CLPB: variants seen among roughly 807,000 people sequenced by gnomAD.
CLPB encodes the protein mitochondrial disaggregase.
Under a neutral mutation model 78.4 loss-of-function variants are expected in CLPB, and 40 were observed. The ratio of observed to expected loss-of-function variants is 0.51; its 90% CI spans 0.40 to 0.66. The LOEUF (loss-of-function observed/expected upper bound fraction) is 0.66. Among genes scored for constraint, CLPB ranks in the 30% least tolerant of loss-of-function variants. The pLI, the probability that CLPB is intolerant of heterozygous loss-of-function variation, is 0.00. For missense variants in CLPB, 780 were observed against 886.9 expected (o/e 0.88, Z 1.53); for synonymous variants, 333 against 348.0 (o/e 0.96, Z 0.48).
At chr11:72,362,989 C>T (rs552308044) in intron 4 of CLPB, among the ~76,000 whole-genome samples, 1 of 152,148 alleles carries the variant, frequency 6.6e-6, no homozygotes, top group East Asian at 1.9e-4. Context: ...AACACCAACT[C>T]TACAAAAAAT....
chr11:72,429,539 T>C (rs1469171439), intron 2 of CLPB, among the ~76,000 whole-genome samples: 3 of 152,186 alleles, frequency 2.0e-5, no homozygotes, highest in Non-Finnish European at 2.9e-5. Context: ...GGGTGTCCTA[T>C]GGCCACCTAG....
At position 72,299,624 on chromosome 11, in the gene CLPB, G is replaced by A. The variant is rs562665675; in HGVS notation, c.1329+2179C>T. 4.1e-4 allele frequency among the ~76,000 whole-genome samples: 62 copies of A among 152,302 alleles called. 1 individual carries two copies. Among genetic ancestry groups the A allele is most frequent in the African/African-American group, 1.4e-3 (59 of 41,560 alleles). On this transcript the variant is annotated intron_variant, in intron 11 of 15. Coordinates refer to ENST00000538039, the MANE Select transcript of CLPB (RefSeq NM_001258392.3). The stretch of plus-strand genomic sequence containing the variant: ...ACCCTTTGAAGGTTTGCTAACTACT[G>A]TTGAATTAAAACTACTGTTGAATTA...
In CLPB at chr11:72,294,046, A is replaced by G; in HGVS notation, c.1761T>C (p.Tyr587=). ...DVLVDGYNVH[Y]GARSIKHEVE... Reference sequence around the variant, plus strand: ...CCTCATGTTTGATGGAGCGGGCGCCATAGTGCACATTGTAGCCGTCGACCA... The same window carrying G: ...CCTCATGTTTGATGGAGCGGGCGCCGTAGTGCACATTGTAGCCGTCGACCA... The change falls in exon 15 of 16, where the codon TAT becomes TAC. Residue 587 remains tyrosine (Y), a synonymous_variant. Coordinates refer to ENST00000538039, the MANE Select transcript of CLPB (RefSeq NM_001258392.3). The G allele has an allele frequency of 6.2e-7, 1 of 1,613,890 alleles. No homozygotes were observed. Among genetic ancestry groups the G allele is most frequent in the Non-Finnish European group, 8.5e-7 (1 of 1,179,824 alleles).
At chr11:72,305,123 T>C (rs1345987935) in intron 9 of CLPB, among the ~76,000 whole-genome samples, 15 of 152,302 alleles carry the variant, frequency 9.8e-5, no homozygotes. Flanking sequence ...CATCTCCCAA[T>C]GTGAAATGGG....
chr11:72,351,087 G>A (rs1181952344), intron 5 of CLPB, among the ~76,000 whole-genome samples: 1 of 152,120 alleles, frequency 6.6e-6, no homozygotes, highest in African/African-American at 2.4e-5. Context: ...TCAATCACCT[G>A]ACACAAGTTC....
intron 2 of CLPB, among the ~76,000 whole-genome samples, chr11:72,403,565 G>T (rs76299797): frequency 0.039 from 5,912 of 152,226 alleles, 359 homozygotes; most frequent in African/African-American, 0.13. Flanking sequence ...GCTAGGAACA[G>T]AATGCCTAAT....
chr11:72,321,792 A>T (rs1194889839), intron 6 of CLPB, among the ~76,000 whole-genome samples: 1 of 152,190 alleles, frequency 6.6e-6, no homozygotes, highest in Non-Finnish European at 1.5e-5. Context: ...GGTCAGGCCT[A>T]TAGAGTCCAC....
intron 2 of CLPB, among the ~76,000 whole-genome samples, chr11:72,414,020 C>A (rs571829682): frequency 2.8e-4 from 42 of 152,214 alleles, no homozygotes; most frequent in African/African-American, 9.9e-4. Flanking sequence ...CAGGTCAGAG[C>A]AAGAGAGCCA....
rs1322919715 is a variant in CLPB at position 72,289,969 on chromosome 11, C to G, written c.*3398G>C. 1 of 152,176 alleles carries G rather than the reference C, an allele frequency of 6.6e-6. No individual in the cohort carries two copies. The highest frequency in any genetic ancestry group is 1.5e-5 in the Non-Finnish European group (1 of 68,034). The allele number at this position is 152,176 out of a possible 1,614,324, so 9.4% of individuals were successfully genotyped here. On this transcript the variant is annotated 3_prime_UTR_variant, in exon 16 of 16. Transcript: ENST00000538039. The stretch of plus-strand genomic sequence containing the variant: ...ATATATACATATATGTTTTCTAGCT[C>G]TGTCTGCTGAGCAGGCCTACAAGCA...
intron 2 of CLPB, among the ~76,000 whole-genome samples, chr11:72,419,431 AGTTCCTCAT>A (rs1856124469): frequency 6.6e-6 from 1 of 152,212 alleles, no homozygotes; most frequent in Non-Finnish European, 1.5e-5. Context: ...CACTCACATT[AGTTCCTCAT>A]GTTCCTCAGC....
At chr11:72,318,741 C>G (rs1949994239) in intron 6 of CLPB, among the ~76,000 whole-genome samples, 1 of 152,214 alleles carries the variant, frequency 6.6e-6, no homozygotes, top group South Asian at 2.1e-4. Flanking sequence ...AAGCTCCCAT[C>G]AGTCCTGGGG....
intron 6 of CLPB, among the ~76,000 whole-genome samples, chr11:72,317,866 G>A (rs566078256): frequency 6.6e-6 from 1 of 152,342 alleles, no homozygotes; most frequent in South Asian, 2.1e-4. Flanking sequence ...TGGCATGTCT[G>A]GCCCTGGGCT....
chr11:72,295,359 G>T, intron 12 of CLPB, 133 bp downstream of exon 12: 1 of 870,614 alleles, frequency 1.1e-6, no homozygotes. Flanking sequence ...TCTGATATCT[G>T]CTCAGTGTCA....
At chr11:72,298,573 C>T (rs895239556) in intron 11 of CLPB, among the ~76,000 whole-genome samples, 1 of 152,250 alleles carries the variant, frequency 6.6e-6, no homozygotes, top group Non-Finnish European at 1.5e-5. Context: ...TCTCTGCTCA[C>T]TGCAACCTCA....
intron 2 of CLPB, among the ~76,000 whole-genome samples, chr11:72,423,867 A>G (rs769060900): frequency 1.9e-4 from 29 of 152,092 alleles, no homozygotes; most frequent in Non-Finnish European, 3.7e-4. Context: ...CCTTCTCTCA[A>G]TTCCTCAATT....
intron 9 of CLPB, chr11:72,304,189 C>T (rs1949707229): frequency 6.6e-6 from 1 of 152,260 alleles, no homozygotes. Context: ...TTTGATTTCA[C>T]ATGATCTTAG....
intron 2 of CLPB, among the ~76,000 whole-genome samples, chr11:72,409,635 G>C (rs1207499363): frequency 1.3e-5 from 2 of 151,932 alleles, no homozygotes. Flanking sequence ...ACAACTCTCA[G>C]GCAGTAGAGT....
At chr11:72,304,346 G>C (rs902758072) in intron 9 of CLPB, 8 of 152,240 alleles carry the variant, frequency 5.3e-5, no homozygotes, top group African/African-American at 1.9e-4. Context: ...CTACTTTACA[G>C]ATGAGAAAGC....
chr11:72,413,061 G>A (rs1389578607), intron 2 of CLPB, among the ~76,000 whole-genome samples: 1 of 152,150 alleles, frequency 6.6e-6, no homozygotes, highest in Non-Finnish European at 1.5e-5. Context: ...GGCCAAGGCA[G>A]GCGAGTCACC....
Sources: gnomAD v4.1 joint callset for allele counts (sites outside exome capture counted in the v4.1 genomes callset) on GRCh38, gnomAD v4.1.1 for gene constraint, MANE v1.5 for transcripts, NCBI Gene and HGNC (gene_info 2026-07-23, HGNC 2026-07-21) for gene names.